Variants in CDYL2 observed in about 807,000 individuals in gnomAD.
CDYL2 encodes the protein chromodomain Y-like protein 2.
CDYL2 carries 23 observed loss-of-function variants against 49.4 expected under a neutral mutation model. That is an observed-to-expected ratio of 0.47 (90% confidence interval 0.34 to 0.66). The LOEUF is 0.66. CDYL2 is among the 30% of genes least tolerant of loss of function. The pLI is 0.01. For missense variants in CDYL2, 678 were observed against 656.4 expected, an observed-to-expected ratio of 1.03 and a Z score of -0.36; for synonymous variants, 360 against 268.8, an observed-to-expected ratio of 1.34 and a Z score of -3.32.
intron 1 of CDYL2, among the ~76,000 whole-genome samples, chr16:80,704,710 T>C (rs764021942): frequency 6.6e-6 from 1 of 152,112 alleles, no homozygotes; most frequent in Non-Finnish European, 1.5e-5. Context: ...CAGTTCCAGT[T>C]AGAGGGAAGA....
chr16:80,802,285 A>G (rs1008955624), intron 1 of CDYL2, among the ~76,000 whole-genome samples: 2 of 152,212 alleles, frequency 1.3e-5, no homozygotes, highest in Non-Finnish European at 2.9e-5. Context: ...TCACTCAGGC[A>G]AGGTCAACAG....
chr16:80,662,976 T>A (rs572822976), intron 2 of CDYL2, among the ~76,000 whole-genome samples: 1 of 152,054 alleles, frequency 6.6e-6, no homozygotes, highest in Admixed American at 6.6e-5. Flanking sequence ...AATAAATGAA[T>A]GAGTGAATAA....
intron 3 of CDYL2, among the ~76,000 whole-genome samples, chr16:80,630,706 C>G (rs960949259): frequency 1.3e-5 from 2 of 152,138 alleles, no homozygotes; most frequent in African/African-American, 4.8e-5. Context: ...CAACCACTAC[C>G]CCACAACCCC....
At chr16:80,659,556 A>G (rs1387109023) in intron 2 of CDYL2, among the ~76,000 whole-genome samples, 1 of 151,736 alleles carries the variant, frequency 6.6e-6, no homozygotes, top group Non-Finnish European at 1.5e-5. Flanking sequence ...CTACACTCAG[A>G]TGGTACAGAA....
intron 2 of CDYL2, among the ~76,000 whole-genome samples, chr16:80,653,932 C>G (rs541898502): frequency 1.3e-5 from 2 of 152,292 alleles, no homozygotes; most frequent in East Asian, 3.9e-4. Flanking sequence ...AAGAATTCCT[C>G]AAACCCCAGG....
At chr16:80,674,023 C>T (rs1909639813) in intron 2 of CDYL2, among the ~76,000 whole-genome samples, 1 of 152,150 alleles carries the variant, frequency 6.6e-6, no homozygotes, top group African/African-American at 2.4e-5. Context: ...AGGAGCACAG[C>T]CCTGCCAATG....
chr16:80,784,211 T>G (rs1393735696), intron 1 of CDYL2, among the ~76,000 whole-genome samples: 1 of 152,012 alleles, frequency 6.6e-6, no homozygotes, highest in East Asian at 1.9e-4. Context: ...TATGGTTTCC[T>G]TTCATTTTGT....
At chr16:80,794,971 T>A (rs569968883) in intron 1 of CDYL2, among the ~76,000 whole-genome samples, 11 of 152,230 alleles carry the variant, frequency 7.2e-5, no homozygotes, top group South Asian at 4.1e-4. Flanking sequence ...TAGTTCTAGG[T>A]CCACAGCTGA....
chr16:80,788,131 T>C (rs775163840), intron 1 of CDYL2, among the ~76,000 whole-genome samples: 1 of 152,196 alleles, frequency 6.6e-6, no homozygotes, highest in Non-Finnish European at 1.5e-5. Context: ...CTGAGGCTCA[T>C]AAATATGCTA....
chr16:80,696,883 G>A (rs899178891), intron 1 of CDYL2, among the ~76,000 whole-genome samples: 3 of 152,156 alleles, frequency 2.0e-5, no homozygotes, highest in Admixed American at 2.0e-4. Context: ...TAGAGACCCA[G>A]CTCCTCTGGA....
intron 2 of CDYL2, among the ~76,000 whole-genome samples, chr16:80,650,551 AC>A (rs759914461): frequency 6.6e-6 from 1 of 152,204 alleles, no homozygotes. Context: ...ACTATGCAAA[AC>A]AGTTGGATGG....
chr16:80,787,778 C>G lies in CDYL2; in HGVS notation c.24+16372G>C, dbSNP rs183940842. ...TATCTCTTTCTAGTCCTTTGCATTTCTTTATGTATTGAAGTAAATGGTTTT... is the reference window on the plus strand; with the variant it reads ...TATCTCTTTCTAGTCCTTTGCATTTGTTTATGTATTGAAGTAAATGGTTTT... On this transcript the variant is annotated intron_variant, in intron 1 of 6. Transcript: ENST00000570137. Among the ~76,000 whole-genome samples the G allele has an allele frequency of 7.9e-5, 12 of 152,246 alleles. No homozygotes were observed. In the East Asian group the frequency reaches 2.1e-3, roughly 27 times the overall value.
At chr16:80,736,981 T>A (rs1010461824) in intron 1 of CDYL2, among the ~76,000 whole-genome samples, 3 of 152,198 alleles carry the variant, frequency 2.0e-5, no homozygotes, top group Non-Finnish European at 2.9e-5. Flanking sequence ...GTATTCAGAT[T>A]TGGGATGGCT....
intron 2 of CDYL2, among the ~76,000 whole-genome samples, chr16:80,654,479 C>T (rs1908720548): frequency 6.6e-6 from 1 of 152,206 alleles, no homozygotes; most frequent in South Asian, 2.1e-4. Context: ...TCTCTAATAA[C>T]ATAATGTCTG....
chr16:80,804,355 T>C lies in CDYL2; in HGVS notation c.-182A>G, dbSNP rs1458875275. On this transcript the variant is annotated 5_prime_UTR_variant, in exon 1 of 7. Coordinates refer to ENST00000570137, the MANE Select transcript of CDYL2 (RefSeq NM_152342.4). Reference sequence around the variant, plus strand: ...GCTTGGGGGCTGCCTATGCGCAGAATCAGAGCGGGCGGCGGCGGGGCTGGC... The same window carrying C: ...GCTTGGGGGCTGCCTATGCGCAGAACCAGAGCGGGCGGCGGCGGGGCTGGC... 6.2e-5 allele frequency: 17 copies of C among 273,994 alleles called. No homozygotes were observed. The highest frequency in any genetic ancestry group is 8.2e-5 in the Non-Finnish European group (14 of 169,834). 17.0% of individuals were successfully genotyped at this position (273,994 alleles called of 1,614,324 possible). A position where few individuals can be genotyped will look rare whatever the true frequency, so the allele number is the denominator to read the frequency against.
chr16:80,741,860 A>C (rs769686696), intron 1 of CDYL2, among the ~76,000 whole-genome samples: 2 of 152,246 alleles, frequency 1.3e-5, no homozygotes, highest in Non-Finnish European at 2.9e-5. Context: ...ACATTCCTGA[A>C]GGACAATTTG....
intron 2 of CDYL2, among the ~76,000 whole-genome samples, chr16:80,684,087 A>G (rs898890930): frequency 2.0e-5 from 3 of 152,076 alleles, no homozygotes; most frequent in Non-Finnish European, 2.9e-5. Context: ...ACGGACCCCA[A>G]CCCAGACCCT....
chr16:80,733,609 T>G (rs773929865), intron 1 of CDYL2, among the ~76,000 whole-genome samples: 4 of 152,164 alleles, frequency 2.6e-5, no homozygotes, highest in Non-Finnish European at 4.4e-5. Context: ...GGAAATGAAG[T>G]ATCTTGGATG....
chr16:80,684,123 G>A (rs1401873622), intron 2 of CDYL2, among the ~76,000 whole-genome samples: 1 of 152,196 alleles, frequency 6.6e-6, no homozygotes, highest in African/African-American at 2.4e-5. Flanking sequence ...ACTGCTGGGG[G>A]CATGATGAGG....
Sources: allele counts gnomAD v4.1 joint callset (sites outside exome capture counted in the v4.1 genomes callset), GRCh38; gene constraint gnomAD v4.1.1; transcripts MANE v1.5; gene names NCBI Gene and HGNC (gene_info 2026-07-23, HGNC 2026-07-21).